Variants in PITPNA observed in about 807,000 individuals in gnomAD.
PITPNA encodes phosphatidylinositol transfer protein alpha isoform.
PITPNA carries 13 observed loss-of-function variants against 50.3 expected under a neutral mutation model. That is an observed-to-expected ratio of 0.26 (90% CI 0.17 to 0.41). PITPNA has a LOEUF of 0.41. Among genes scored for constraint, PITPNA ranks in the 10% least tolerant of loss-of-function variants. The pLI, the probability that PITPNA is intolerant of heterozygous loss-of-function variation, is 1.00. For synonymous variants in PITPNA, 120 were observed against 119.6 expected, an observed-to-expected ratio of 1.00 and a Z score of -0.02; for missense variants, 207 against 333.4, an observed-to-expected ratio of 0.62 and a Z score of 2.95.
At chr17:1,558,450 A>G (rs2075750088) in intron 2 of PITPNA, 79 bp downstream of exon 2, 8 of 852,862 alleles carry the variant, frequency 9.4e-6, no homozygotes, top group Admixed American at 6.2e-5. Flanking sequence ...TATAAACAGG[A>G]TAACCACTCA....
chr17:1,554,185 G>T (rs553670237), intron 2 of PITPNA, among the ~76,000 whole-genome samples: 1 of 152,244 alleles, frequency 6.6e-6, no homozygotes, highest in African/African-American at 2.4e-5. Flanking sequence ...CAACATTTGA[G>T]GCAGGAAATT....
intron 7 of PITPNA, chr17:1,538,530 T>C (rs2075630770): frequency 5.3e-6 from 1 of 187,304 alleles, no homozygotes; most frequent in Non-Finnish European, 1.1e-5. Flanking sequence ...AATGTTTTTT[T>C]AATTACTGAG....
intron 10 of PITPNA, among the ~76,000 whole-genome samples, chr17:1,531,374 C>T (rs2075582043): frequency 6.6e-6 from 1 of 151,930 alleles, no homozygotes; most frequent in Non-Finnish European, 1.5e-5. Context: ...AGAGGTTCCC[C>T]CCACTGTAAC....
chr17:1,553,245 G>A (rs2075718737), intron 2 of PITPNA, 96 bp from the exon 3 acceptor site: 3 of 1,378,444 alleles, frequency 2.2e-6, no homozygotes, highest in Non-Finnish European at 1.0e-6. Flanking sequence ...GATCTCCCTG[G>A]GGTCTCCTCA....
chr17:1,539,564 C>T (rs1160958099), intron 6 of PITPNA, among the ~76,000 whole-genome samples: 14 of 134,784 alleles, frequency 1.0e-4, no homozygotes, highest in East Asian at 6.5e-4. Context: ...GTGATCCTCC[C>T]GTCTCAGCCT....
intron 10 of PITPNA, among the ~76,000 whole-genome samples, chr17:1,524,371 G>T (rs1204946449): frequency 3.4e-5 from 5 of 148,024 alleles, no homozygotes; most frequent in Non-Finnish European, 5.9e-5. Context: ...TTGAGACAGG[G>T]TCTCACTGTG....
chr17:1,556,633 A>G (rs2075736284), intron 2 of PITPNA, among the ~76,000 whole-genome samples: 1 of 152,052 alleles, frequency 6.6e-6, no homozygotes, highest in Admixed American at 6.6e-5. Context: ...TCACCACACT[A>G]AGGAAATCCC....
chr17:1,534,026 A>C, intron 10 of PITPNA, 73 bp downstream of exon 10: 1 of 1,556,664 alleles, frequency 6.4e-7, no homozygotes, highest in Non-Finnish European at 8.8e-7. Flanking sequence ...CTCTCGGTGA[A>C]GCGCCCCAGC....
chr17:1,521,505 T>A, intron 11 of PITPNA, 74 bp downstream of exon 11: 9 of 967,772 alleles, frequency 9.3e-6, no homozygotes, highest in Non-Finnish European at 1.4e-5. Context: ...GACTCCATAG[T>A]GAGCTGCTGA....
chr17:1,541,408 T>C (rs2302460), intron 6 of PITPNA, among the ~76,000 whole-genome samples, 158 bp downstream of exon 6: 84,667 of 151,776 alleles, frequency 0.56, 23,924 homozygotes, highest in East Asian at 0.69. Context: ...ATCAGAGACA[T>C]AGCAATCCCA....
intron 10 of PITPNA, among the ~76,000 whole-genome samples, chr17:1,532,273 G>A (rs375707451): frequency 7.9e-5 from 12 of 152,028 alleles, no homozygotes; most frequent in African/African-American, 2.2e-4. Flanking sequence ...ATTTTTAGTA[G>A]AGACAGGGTT....
chr17:1,551,917 C>T (rs1049254117), intron 3 of PITPNA, among the ~76,000 whole-genome samples: 1 of 151,058 alleles, frequency 6.6e-6, no homozygotes, highest in Non-Finnish European at 1.5e-5. Context: ...GAGACTCCTC[C>T]CCGCTGGACA....
intron 10 of PITPNA, among the ~76,000 whole-genome samples, chr17:1,525,557 C>T (rs939264207): frequency 3.7e-5 from 5 of 135,870 alleles, no homozygotes; most frequent in African/African-American, 1.1e-4. Context: ...GTCGCTCTGT[C>T]GCCCAGGCTA....
In PITPNA at chr17:1,519,963, G is replaced by GT. The variant is rs1167854614; in HGVS notation, c.*597dup. The stretch of plus-strand genomic sequence containing the variant: ...TAAATAGAGACTGGCTGAGCCTTGG[G>GT]TACCTCCATAGTGCTAGAGTGCCCT... On this transcript the variant is annotated 3_prime_UTR_variant, in exon 12 of 12. Transcript: ENST00000313486. The GT allele has an allele frequency of 6.6e-6, 1 of 152,190 alleles. No homozygotes were observed. Among genetic ancestry groups the GT allele is most frequent in the African/African-American group, 2.4e-5 (1 of 41,426 alleles). The allele number at this position is 152,190 out of a possible 1,614,324, so 9.4% of individuals were successfully genotyped here.
chr17:1,534,028 C>T (rs1162681785), intron 10 of PITPNA, 71 bp downstream of exon 10: 18 of 1,558,572 alleles, frequency 1.2e-5, no homozygotes, highest in Admixed American at 3.4e-5. Flanking sequence ...CTCGGTGAAG[C>T]GCCCCAGCAA....
In PITPNA at chr17:1,535,271, C is replaced by T; in HGVS notation, c.556G>A (p.Asp186Asn). 6.2e-7 allele frequency: 1 copy of T among 1,613,520 alleles called. No homozygotes were observed. Among genetic ancestry groups the T allele is most frequent in the Non-Finnish European group, 8.5e-7 (1 of 1,179,412 alleles). The part of the protein sequence containing the change: ...NWKQELVNQK[D>N]CPYMCAYKLV... ...TTGTATGCACACATATATGGGCAGT[C>T]CTTCTGGTTTACAAGCTCTTGCTGC... Residue 186 changes from aspartate to asparagine, a missense_variant, in exon 9 of 12, where the codon GAC becomes AAC. By Grantham distance (23) the Asp-to-Asn change is conservative (BLOSUM62 1). Transcript: ENST00000313486.
chr17:1,524,801 A>G (rs2075537156), intron 10 of PITPNA, among the ~76,000 whole-genome samples: 1 of 151,172 alleles, frequency 6.6e-6, no homozygotes, highest in Admixed American at 6.6e-5. Flanking sequence ...GTGAGCTGAG[A>G]TGGCACCGCT....
chr17:1,526,392 C>A (rs1219311808), intron 10 of PITPNA, among the ~76,000 whole-genome samples: 1 of 152,234 alleles, frequency 6.6e-6, no homozygotes, highest in Non-Finnish European at 1.5e-5. Context: ...GGGCTGTAGC[C>A]TTTGCTCTAA....
chr17:1,535,052 C>T, intron 9 of PITPNA, 130 bp downstream of exon 9: 1 of 627,512 alleles, frequency 1.6e-6, no homozygotes, highest in Non-Finnish European at 2.9e-6. Context: ...CTCCACCACC[C>T]CCCACCGCAC....
Sources: gnomAD v4.1 joint callset for allele counts (sites outside exome capture counted in the v4.1 genomes callset) on GRCh38, gnomAD v4.1.1 for gene constraint, MANE v1.5 for transcripts, NCBI Gene and HGNC (gene_info 2026-07-23, HGNC 2026-07-21) for gene names.